Variants in ITPR1 observed in about 807,000 individuals in gnomAD.
The protein encoded by ITPR1 is inositol 1,4,5-trisphosphate-gated calcium channel ITPR1.
ITPR1 carries 96 observed loss-of-function variants against 318.4 expected under a neutral mutation model. That is an observed-to-expected ratio of 0.30 (90% confidence interval 0.26 to 0.36). The LOEUF (loss-of-function observed/expected upper bound fraction) is 0.36. Ranked by LOEUF, ITPR1 falls within the 10% of genes least tolerant of loss-of-function variation. ITPR1 has a pLI of 1.00. For synonymous variants in ITPR1, 1,312 were observed against 1,289.9 expected, an observed-to-expected ratio of 1.02 and a Z score of -0.37; for missense variants, 2,440 against 3,460.2, an observed-to-expected ratio of 0.71 and a Z score of 7.40.
chr3:4,643,352 G>T (rs1004339580), intron 7 of ITPR1, among the ~76,000 whole-genome samples: 2 of 152,122 alleles, frequency 1.3e-5, no homozygotes, highest in South Asian at 2.1e-4. Flanking sequence ...AGTGTGCCTT[G>T]TTCTGAATTT....
intron 33 of ITPR1, 129 bp from the exon 34 acceptor site, chr3:4,697,018 T>C: frequency 1.5e-6 from 1 of 688,870 alleles, no homozygotes; most frequent in Non-Finnish European, 2.4e-6. Flanking sequence ...CAGAAAATCA[T>C]AGAAGTAAGA....
At chr3:4,675,513 T>G (rs919237877) in intron 23 of ITPR1, among the ~76,000 whole-genome samples, 4 of 152,252 alleles carry the variant, frequency 2.6e-5, no homozygotes, top group Non-Finnish European at 4.4e-5. Flanking sequence ...TGTATTTTAT[T>G]TTGTATTTAT....
intron 44 of ITPR1, among the ~76,000 whole-genome samples, chr3:4,754,941 G>C (rs908823317): frequency 6.6e-6 from 1 of 152,178 alleles, no homozygotes; most frequent in South Asian, 2.1e-4. Flanking sequence ...CGGCTGTGCC[G>C]TGTATCCCCA....
intron 3 of ITPR1, 51 bp from the exon 4 acceptor site, chr3:4,520,973 A>G: frequency 1.5e-6 from 2 of 1,361,528 alleles, no homozygotes; most frequent in Non-Finnish European, 1.1e-6. Flanking sequence ...CATAGTGCTA[A>G]GAGTTTCATT....
Position 4,674,256 on chromosome 3 carries a change from C to T in ITPR1, c.2511C>T (p.Thr837=), listed in dbSNP as rs1357320601. 3.2e-6 allele frequency: 5 copies of T among 1,577,306 alleles called. No homozygotes were observed. The highest frequency in any genetic ancestry group is 4.3e-6 in the Non-Finnish European group (5 of 1,159,448). Residue 837 remains threonine, a synonymous_variant, in exon 22 of 62, where the codon ACC becomes ACT. Coordinates refer to ENST00000649015, the MANE Select transcript of ITPR1 (RefSeq NM_001378452.1). ...AAATTAAGGAGAGATTTGCTCAGACCATGGAGTTTGTGGAGGAGTATTTAA... is the reference window on the plus strand; with the variant it reads ...AAATTAAGGAGAGATTTGCTCAGACTATGGAGTTTGTGGAGGAGTATTTAA... ...KDEIKERFAQ[T]MEFVEEYLRD...
intron 41 of ITPR1, 27 bp downstream of exon 41, chr3:4,725,608 G>A (rs376822810): frequency 3.5e-4 from 560 of 1,586,588 alleles, no homozygotes; most frequent in Non-Finnish European, 4.5e-4. Context: ...TATTTGTAGC[G>A]CCAGCGCCAG....
chr3:4,649,150 G>T (rs1486792742), intron 10 of ITPR1, among the ~76,000 whole-genome samples: 1 of 152,104 alleles, frequency 6.6e-6, no homozygotes, highest in African/African-American at 2.4e-5. Flanking sequence ...TGCAAACTAA[G>T]GAAACATAGA....
At chr3:4,548,755 A>C (rs940781043) in intron 4 of ITPR1, among the ~76,000 whole-genome samples, 1 of 152,200 alleles carries the variant, frequency 6.6e-6, no homozygotes, top group Non-Finnish European at 1.5e-5. Context: ...TCCAATTTTA[A>C]TCTGAAATAA....
intron 36 of ITPR1, among the ~76,000 whole-genome samples, chr3:4,704,520 C>T (rs2094718534): frequency 6.6e-6 from 1 of 152,146 alleles, no homozygotes; most frequent in South Asian, 2.1e-4. Context: ...CTGCAGCAAA[C>T]CTGCACGGGT....
chr3:4,695,902 G>A (rs1273353748), intron 33 of ITPR1, among the ~76,000 whole-genome samples: 1 of 152,204 alleles, frequency 6.6e-6, no homozygotes, highest in East Asian at 1.9e-4. Flanking sequence ...CGTCCAGGGT[G>A]TGTGGATAGT....
At chr3:4,512,106 C>T (rs2081875541) in intron 2 of ITPR1, among the ~76,000 whole-genome samples, 1 of 152,110 alleles carries the variant, frequency 6.6e-6, no homozygotes, top group African/African-American at 2.4e-5. Flanking sequence ...TCCCAAGTAG[C>T]TGGGGTTACA....
chr3:4,681,637 G>A (rs2125229558), intron 26 of ITPR1, among the ~76,000 whole-genome samples: 1 of 151,786 alleles, frequency 6.6e-6, no homozygotes, highest in South Asian at 2.1e-4. Flanking sequence ...GTGTGTGTGT[G>A]TGTGTGTGTG....
intron 4 of ITPR1, among the ~76,000 whole-genome samples, chr3:4,555,914 C>T (rs775024275): frequency 1.3e-5 from 2 of 152,152 alleles, no homozygotes; most frequent in Non-Finnish European, 2.9e-5. Flanking sequence ...ATCTGCTTAA[C>T]ATCATATGGC....
intron 42 of ITPR1, 51 bp from the exon 43 acceptor site, chr3:4,733,037 C>A: frequency 6.3e-7 from 1 of 1,576,374 alleles, no homozygotes; most frequent in Non-Finnish European, 8.6e-7. Context: ...ATTCGTCCCT[C>A]GGTGATGCAT....
intron 4 of ITPR1, chr3:4,596,121 C>G (rs945321145): frequency 5.3e-5 from 8 of 152,184 alleles, no homozygotes; most frequent in African/African-American, 1.9e-4. Flanking sequence ...CAAAACTTCT[C>G]TGCACTTTGG....
chr3:4,841,525 A>G (rs2051343573), intron 61 of ITPR1, among the ~76,000 whole-genome samples: 1 of 152,252 alleles, frequency 6.6e-6, no homozygotes, highest in South Asian at 2.1e-4. Context: ...TACTGGGGCT[A>G]CAAAGATGAA....
intron 34 of ITPR1, 142 bp downstream of exon 34, chr3:4,697,414 G>A: frequency 3.2e-6 from 2 of 624,218 alleles, no homozygotes; most frequent in South Asian, 3.1e-5. Flanking sequence ...TCCGTGGCAT[G>A]AGGAGGCACT....
intron 4 of ITPR1, among the ~76,000 whole-genome samples, chr3:4,596,759 C>T (rs2090858561): frequency 6.6e-6 from 1 of 152,174 alleles, no homozygotes; most frequent in African/African-American, 2.4e-5. Context: ...TTTGTATACC[C>T]TGGCAGTGTT....
intron 4 of ITPR1, among the ~76,000 whole-genome samples, chr3:4,622,109 CTTTTTTTTTTT>C (rs894926425): frequency 7.6e-5 from 8 of 105,828 alleles, no homozygotes; most frequent in Non-Finnish European, 1.3e-4. Context: ...ACATAGTAGA[CTTTTTTTTTTT>C]TTTTTTTTTT....
Sources: allele counts gnomAD v4.1 joint callset (sites outside exome capture counted in the v4.1 genomes callset), GRCh38; gene constraint gnomAD v4.1.1; transcripts MANE v1.5; gene names NCBI Gene and HGNC (gene_info 2026-07-23, HGNC 2026-07-21).